The following NUP85 variants were observed in gnomAD, a reference collection of about 807,000 sequenced individuals.
The protein encoded by NUP85 is nucleoporin 85, also known as nuclear pore complex protein Nup85.
A neutral mutation model predicts 92.8 loss-of-function variants in NUP85; 23 were observed. The ratio of observed to expected loss-of-function variants is 0.25; its 90% CI spans 0.18 to 0.35. NUP85 has a LOEUF of 0.35. NUP85 is among the 10% of genes least tolerant of loss of function. The probability of loss-of-function intolerance (pLI) is 1.00; values close to 1 mark genes in which losing one functional copy is unlikely to be tolerated. For synonymous variants in NUP85, 314 were observed against 306.9 expected, an observed-to-expected ratio of 1.02 and a Z score of -0.24; for missense variants, 759 against 822.8, an observed-to-expected ratio of 0.92 and a Z score of 0.95.
At chr17:75,215,690 C>T (rs946547925) in intron 5 of NUP85, 64 bp from the exon 6 acceptor site, 1 of 1,462,676 alleles carries the variant, frequency 6.8e-7, no homozygotes, top group East Asian at 2.3e-5. Flanking sequence ...TGCTTTATCC[C>T]TTGGCTCTGA....
chr17:75,212,241 GTTGTTGTTTTTTTTTTTTTTTTT>G (rs2075292709), intron 4 of NUP85, among the ~76,000 whole-genome samples, 179 bp downstream of exon 4: 5 of 2,766 alleles, frequency 1.8e-3, no homozygotes, highest in South Asian at 0.014. Context: ...TTTTTTTTTT[GTTGTTGTTTTTTTTTTTTTTTTT>G]TTTTTTTTTT....
At chr17:75,210,482 C>T (rs116122193) in intron 3 of NUP85, among the ~76,000 whole-genome samples, 2,050 of 152,312 alleles carry the variant, frequency 0.013, 45 homozygotes, top group African/African-American at 0.047. Context: ...CACCTCAGAT[C>T]ATCAAAATCA....
intron 11 of NUP85, chr17:75,228,680 C>T: frequency 9.1e-6 from 9 of 985,378 alleles, no homozygotes; most frequent in Non-Finnish European, 8.4e-6. Context: ...TGTTGGCATG[C>T]CTTTTTAAAG....
At chr17:75,216,329 G>A (rs112700128) in intron 6 of NUP85, 9,575 of 153,124 alleles carry the variant, frequency 0.063, 815 homozygotes, top group African/African-American at 0.18. Context: ...GCAATGGCGT[G>A]ATCTCAGCTC....
chr17:75,209,305 C>A (rs2075184550), intron 2 of NUP85, among the ~76,000 whole-genome samples: 1 of 152,166 alleles, frequency 6.6e-6, no homozygotes, highest in South Asian at 2.1e-4. Flanking sequence ...TGGAGAGTGA[C>A]ATAGCTTGTC....
Position 75,213,132 on chromosome 17 carries a change from A to G in NUP85, c.405+13A>G, listed in dbSNP as rs200966360. 7 of 1,612,924 alleles carry G rather than the reference A, an allele frequency of 4.3e-6. No homozygotes were observed. The highest frequency in any genetic ancestry group is 2.2e-5 in the East Asian group (1 of 44,860). On this transcript the variant is annotated intron_variant, in intron 5 of 18. Transcript: ENST00000245544. ...GTTCAGCAGCCAGGTAAGGGGAGTCACCTTTATTGTTTTAGCACCACTGTG... is the reference window on the plus strand; with the variant it reads ...GTTCAGCAGCCAGGTAAGGGGAGTCGCCTTTATTGTTTTAGCACCACTGTG...
chr17:75,235,647 AT>A lies in NUP85; in HGVS notation c.1941del (p.Ile648Ter), dbSNP rs2076305360. On this transcript the variant is annotated frameshift_variant, in exon 19 of 19. Coordinates refer to ENST00000245544, the MANE Select transcript of NUP85 (RefSeq NM_024844.5). LOFTEE classifies it high-confidence loss of function. The part of the protein sequence containing the change: ...LSLARNLARA[I>X]IREGSLEGS Reference sequence around the variant, plus strand: ...TCTGGCACGAAATCTTGCTCGGGCAATTATAAGAGAAGGCTCACTGGAAGGT... The same window carrying A: ...TCTGGCACGAAATCTTGCTCGGGCAATATAAGAGAAGGCTCACTGGAAGGT... 1 of 1,614,070 alleles carries A rather than the reference AT, an allele frequency of 6.2e-7. No individual in the cohort carries two copies. The highest frequency in any genetic ancestry group is 8.5e-7 in the Non-Finnish European group (1 of 1,179,896).
Position 75,226,076 on chromosome 17 carries a change from G to T in NUP85, c.1013G>T (p.Gly338Val). The change falls in exon 11 of 19, where the codon GGT becomes GTT. Residue 338 changes from glycine to valine, a missense_variant. By Grantham distance (109) the Gly-to-Val change is moderately radical (BLOSUM62 -3). Transcript: ENST00000245544. ...AQSSLDLFLG[G>V]ESSPEPLDNI... ...TCCAGCCTGGACCTGTTTCTGGGAG[G>T]TGAGAGCAGCCCAGAACCCCTGGAC... The T allele has an allele frequency of 6.2e-7, 1 of 1,614,130 alleles. No homozygotes were observed. Among genetic ancestry groups the T allele is most frequent in the Middle Eastern group, 1.6e-4 (1 of 6,062 alleles).
chr17:75,225,871 TG>T, intron 10 of NUP85, 42 bp downstream of exon 10: 1 of 1,611,850 alleles, frequency 6.2e-7, no homozygotes, highest in Non-Finnish European at 8.5e-7. Context: ...GTAGGAGTCC[TG>T]GGGGCGCCCT....
chr17:75,219,719 C>T (rs1041388798), intron 7 of NUP85, among the ~76,000 whole-genome samples: 2 of 152,234 alleles, frequency 1.3e-5, no homozygotes, highest in Non-Finnish European at 2.9e-5. Flanking sequence ...TACCATGTAT[C>T]CTGGCACATA....
At chr17:75,206,431 A>G (rs1258641115) in intron 1 of NUP85, among the ~76,000 whole-genome samples, 1 of 152,062 alleles carries the variant, frequency 6.6e-6, no homozygotes, top group Non-Finnish European at 1.5e-5. Flanking sequence ...GCTAAGGTTG[A>G]GGATCCAACC....
intron 1 of NUP85, among the ~76,000 whole-genome samples, chr17:75,207,785 C>A (rs1007685271): frequency 6.6e-6 from 1 of 151,872 alleles, no homozygotes. Context: ...GCTAGGAGTT[C>A]GAGATCAACC....
At chr17:75,235,433 G>T in intron 18 of NUP85, 145 bp from the exon 19 acceptor site, 1 of 629,460 alleles carries the variant, frequency 1.6e-6, no homozygotes, top group Non-Finnish European at 2.8e-6. Context: ...ATGGCCCTTT[G>T]GTATTGCTTT....
intron 5 of NUP85, among the ~76,000 whole-genome samples, chr17:75,214,481 A>C (rs1264704179): frequency 6.6e-6 from 1 of 152,180 alleles, no homozygotes; most frequent in Non-Finnish European, 1.5e-5. Context: ...TGCTCTGTCT[A>C]CGTGTTTCAT....
At chr17:75,229,182 T>C (rs2075944326) in intron 11 of NUP85, 1 of 984,394 alleles carries the variant, frequency 1.0e-6, no homozygotes, top group East Asian at 1.1e-4. Flanking sequence ...TAATGTCTGC[T>C]GAATCTAGAA....
At position 75,235,197 on chromosome 17, in the gene NUP85, T is replaced by C. The variant is rs746671485; in HGVS notation, c.1865T>C (p.Leu622Pro). Residue 622 changes from leucine (L) to proline (P), a missense_variant, in exon 18 of 19, where the codon CTC becomes CCC. Physicochemically the swap from Leu to Pro is moderately conservative, Grantham distance 98. Coordinates refer to ENST00000245544, the MANE Select transcript of NUP85 (RefSeq NM_024844.5). ...PVHGESDTEQ[L>P]QDDDIETTKV... is the part of the protein sequence containing the mutation. ...CATGGAGAATCTGATACCGAGCAGC[T>C]CCAGGTCATTTTCACTTTTGGGTTG... The C allele has an allele frequency of 6.2e-7, 1 of 1,610,714 alleles. No individual in the cohort carries two copies. The highest frequency in any genetic ancestry group is 1.7e-5 in the Admixed American group (1 of 59,038).
Position 75,218,313 on chromosome 17 carries a change from C to T in NUP85, c.597+7C>T, listed in dbSNP as rs376521334. Reference sequence around the variant, plus strand: ...TGACAGCTTCTGGAACTTGGTAAGACAGGCCGGGCCCCCACCTCCCACCAT... The same window carrying T: ...TGACAGCTTCTGGAACTTGGTAAGATAGGCCGGGCCCCCACCTCCCACCAT... On this transcript the variant is annotated splice_region_variant and intron_variant, in intron 7 of 18. Transcript: ENST00000245544. 8.7e-6 allele frequency: 14 copies of T among 1,612,688 alleles called. No homozygotes were observed. The highest frequency in any genetic ancestry group is 1.3e-5 in the African/African-American group (1 of 75,002).
intron 7 of NUP85, among the ~76,000 whole-genome samples, chr17:75,224,649 T>C (rs1351142574): frequency 6.6e-6 from 1 of 151,976 alleles, no homozygotes; most frequent in Non-Finnish European, 1.5e-5. Flanking sequence ...CTGGCCAATA[T>C]GGTGAAACCC....
At chr17:75,210,382 T>C (rs1412294494) in intron 3 of NUP85, among the ~76,000 whole-genome samples, 1 of 152,318 alleles carries the variant, frequency 6.6e-6, no homozygotes, top group African/African-American at 2.4e-5. Flanking sequence ...AAAACTCTCG[T>C]ACTATTTATA....
Sources: allele counts gnomAD v4.1 joint callset (sites outside exome capture counted in the v4.1 genomes callset), GRCh38; gene constraint gnomAD v4.1.1; transcripts MANE v1.5; gene names NCBI Gene and HGNC (gene_info 2026-07-23, HGNC 2026-07-21).